ANKRD28: variants seen among roughly 807,000 people sequenced by gnomAD.
ANKRD28 encodes ankyrin repeat domain 28, also known as serine/threonine-protein phosphatase 6 regulatory ankyrin repeat subunit A.
ANKRD28 carries 44 observed loss-of-function variants against 126.5 expected under a neutral mutation model. That is an observed-to-expected ratio of 0.35 (90% CI 0.27 to 0.45). The LOEUF (loss-of-function observed/expected upper bound fraction) is 0.45, where lower values mean the gene tolerates loss of function less well. Among genes scored for constraint, ANKRD28 ranks in the 20% least tolerant of loss-of-function variants. The pLI is 1.00. For synonymous variants in ANKRD28, 442 were observed against 468.5 expected (o/e 0.94, Z 0.73); for missense variants, 1,110 against 1,316.6 (o/e 0.84, Z 2.43).
At chr3:15,728,074 T>C (rs542681716) in intron 6 of ANKRD28, among the ~76,000 whole-genome samples, 107 of 152,280 alleles carry the variant, frequency 7.0e-4, no homozygotes, top group African/African-American at 2.5e-3. Flanking sequence ...CATCCAAACC[T>C]TCAGCAACCA....
Position 15,766,299 on chromosome 3 carries a change from C to A in ANKRD28, c.215G>T (p.Arg72Leu). 1 of 1,610,202 alleles carries A rather than the reference C, an allele frequency of 6.2e-7. No individual in the cohort carries two copies. The change falls in exon 3 of 28, where the codon CGA (arginine) becomes CTA (leucine). Residue 72 changes from arginine (R) to leucine (L), a missense_variant. Coordinates refer to ENST00000683139, the MANE Select transcript of ANKRD28 (RefSeq NM_001349278.2). ...EDVNFQDNEK[R>L]TPLHAAAYLG... is the part of the protein sequence containing the mutation. Reference sequence around the variant, plus strand: ...GTAAGCTGCGGCGTGCAATGGGGTTCGCTTTTCATTGTCCTGTGATAATAA... The same window carrying A: ...GTAAGCTGCGGCGTGCAATGGGGTTAGCTTTTCATTGTCCTGTGATAATAA...
At chr3:15,801,127 A>G (rs1349571962), upstream of ANKRD28, among the ~76,000 whole-genome samples, 2 of 152,140 alleles carry the variant, frequency 1.3e-5, no homozygotes, top group East Asian at 3.8e-4. The surrounding 1 kb of genome is among the most constrained non-coding windows in gnomAD (Gnocchi z 4.9). Flanking sequence ...TTAAGTTTTT[A>G]ATAAGCTAAC....
chr3:15,791,428 T>C (rs553365931), intron 2 of ANKRD28, among the ~76,000 whole-genome samples: 3 of 151,740 alleles, frequency 2.0e-5, no homozygotes, highest in East Asian at 1.9e-4. Context: ...CGTGTACCAA[T>C]AGAACAGAAC....
At chr3:15,842,423 C>T (rs1212354007) in intron 1 of ANKRD28, among the ~76,000 whole-genome samples, 1 of 150,270 alleles carries the variant, frequency 6.7e-6, no homozygotes, top group African/African-American at 2.5e-5. Flanking sequence ...CCCATCCTTT[C>T]TCAGAGGCTG....
rs1035640578 is a variant in ANKRD28 at position 15,816,664 on chromosome 3, T to C, written c.28-21358A>G. On this transcript the variant is annotated intron_variant, in intron 1 of 27. Coordinates refer to the ANKRD28 transcript ENST00000399451. The surrounding 1 kb of genome is among the most constrained non-coding windows in gnomAD (Gnocchi z 5.0). ...CCCACTAGATGCTAACTAACAAACA[T>C]TTAAGTTACATGAAACTGAAAAATG... is the stretch of plus-strand genomic sequence containing the variant. 4.6e-5 allele frequency among the ~76,000 whole-genome samples: 7 copies of C among 152,202 alleles called. No homozygotes were observed. Among genetic ancestry groups the C allele is most frequent in the Non-Finnish European group, 1.0e-4 (7 of 68,018 alleles).
chr3:15,767,023 A>G (rs563283957), intron 2 of ANKRD28, among the ~76,000 whole-genome samples: 91 of 152,348 alleles, frequency 6.0e-4, no homozygotes, highest in African/African-American at 2.1e-3. Flanking sequence ...ATTCGACATT[A>G]TACTTTAAAG....
At chr3:15,806,818 G>A (rs921600804) in intron 1 of ANKRD28, among the ~76,000 whole-genome samples, 7 of 152,076 alleles carry the variant, frequency 4.6e-5, no homozygotes, top group Non-Finnish European at 5.9e-5. Context: ...CACCATGTCC[G>A]GCCCATCATG....
chr3:15,708,094 T>G, intron 13 of ANKRD28, 30 bp from the exon 14 acceptor site: 1 of 1,576,228 alleles, frequency 6.3e-7, no homozygotes. Flanking sequence ...ACAAGAAAGA[T>G]AAAAGCCAGA....
At chr3:15,764,998 C>T (rs3856829) in intron 3 of ANKRD28, among the ~76,000 whole-genome samples, 6,234 of 152,232 alleles carry the variant, frequency 0.041, 413 homozygotes, top group African/African-American at 0.14. Context: ...TATTATTTAA[C>T]GAAATCTTCA....
intron 1 of ANKRD28, among the ~76,000 whole-genome samples, chr3:15,840,413 C>A (rs1331270877): frequency 6.6e-6 from 1 of 152,144 alleles, no homozygotes; most frequent in Non-Finnish European, 1.5e-5. Flanking sequence ...GAAAGATACT[C>A]CATGTTCATG....
chr3:15,708,682 A>AT (rs572524424), intron 13 of ANKRD28, among the ~76,000 whole-genome samples: 2 of 152,112 alleles, frequency 1.3e-5, no homozygotes, highest in East Asian at 1.9e-4. Context: ...AGCCAAAGTG[A>AT]TTTTTTTATT....
At position 15,797,960 on chromosome 3, in the gene ANKRD28, G is replaced by A; in HGVS notation, c.-1439C>T. ...ATGAAATGCCTAGTAATGCTCACATGTTACACTTACCAGAGATCTGAGCTA... is the reference window on the plus strand; with the variant it reads ...ATGAAATGCCTAGTAATGCTCACATATTACACTTACCAGAGATCTGAGCTA... On this transcript the variant is annotated 5_prime_UTR_variant, in exon 1 of 28. Coordinates refer to ENST00000683139, the MANE Select transcript of ANKRD28 (RefSeq NM_001349278.2). 2 of 985,314 alleles carry A rather than the reference G, an allele frequency of 2.0e-6. No homozygotes were observed. Among genetic ancestry groups the A allele is most frequent in the Non-Finnish European group, 2.4e-6 (2 of 829,884 alleles). The allele number at this position is 985,314 out of a possible 1,614,324, so 61.0% of individuals were successfully genotyped here.
chr3:15,686,187 C>T (rs768048986), intron 19 of ANKRD28, 35 bp downstream of exon 19: 1 of 1,590,300 alleles, frequency 6.3e-7, no homozygotes, highest in South Asian at 1.1e-5. Flanking sequence ...GAAATACGCC[C>T]TTCTGTGATG....
At chr3:15,724,593 A>G in intron 6 of ANKRD28, 69 bp from the exon 7 acceptor site, 1 of 1,405,692 alleles carries the variant, frequency 7.1e-7, no homozygotes, top group Non-Finnish European at 9.5e-7. Context: ...AATCCCAAAT[A>G]TCTTTAAGCA....
At chr3:15,748,521 C>T (rs1191505168) in intron 4 of ANKRD28, among the ~76,000 whole-genome samples, 5 of 152,196 alleles carry the variant, frequency 3.3e-5, no homozygotes, top group African/African-American at 4.8e-5. Flanking sequence ...AATAGAACCC[C>T]AATCCCTTCT....
intron 17 of ANKRD28, among the ~76,000 whole-genome samples, chr3:15,693,620 C>CTAA (rs1377062530): frequency 6.6e-6 from 1 of 152,130 alleles, no homozygotes; most frequent in African/African-American, 2.4e-5. Context: ...GCTGCTGCTG[C>CTAA]TGCTGCTAAT....
chr3:15,760,198 G>A (rs2058379704), intron 3 of ANKRD28, among the ~76,000 whole-genome samples: 1 of 152,146 alleles, frequency 6.6e-6, no homozygotes, highest in Non-Finnish European at 1.5e-5. Context: ...TCAGAGGGTG[G>A]ACGATAAGAG....
At position 15,795,308 on chromosome 3, in the gene ANKRD28, TA is replaced by T. The variant is rs1443980683; in HGVS notation, c.118-3del. ...AAATATAGCTTGCACCAGTGATGGC[TA>T]AAATAGAAGAGAGTAATAAAAACAT... On this transcript the variant is annotated splice_region_variant and splice_polypyrimidine_tract_variant and intron_variant, in intron 1 of 27. Transcript: ENST00000683139. The T allele has an allele frequency of 2.5e-6, 4 of 1,599,436 alleles. No individual in the cohort carries two copies. The highest frequency in any genetic ancestry group is 4.5e-5 in the East Asian group (2 of 44,716).
At chr3:15,732,029 T>C (rs186981658) in intron 6 of ANKRD28, 1 of 152,342 alleles carries the variant, frequency 6.6e-6, no homozygotes, top group East Asian at 1.9e-4. Flanking sequence ...TACAGTTTCC[T>C]AGTCATGCAA....
Sources: gnomAD v4.1 joint callset for allele counts (sites outside exome capture counted in the v4.1 genomes callset) on GRCh38, gnomAD v4.1.1 for gene constraint, Gnocchi (gnomAD v3.1) non-coding constraint, MANE v1.5 for transcripts, NCBI Gene and HGNC (gene_info 2026-07-23, HGNC 2026-07-21) for gene names.